The following KCNG3 variants were observed in gnomAD, a reference collection of about 807,000 sequenced individuals.
The protein encoded by KCNG3 is potassium voltage-gated channel modifier subfamily G member 3.
A neutral mutation model predicts 29.0 loss-of-function variants in KCNG3; 15 were observed. The observed-to-expected ratio is 0.52, with a 90% CI of 0.35 to 0.80. The LOEUF is 0.80. Among genes scored for constraint, KCNG3 ranks in the 30% least tolerant of loss-of-function variants. KCNG3 has a pLI of 0.01. For synonymous variants in KCNG3, 322 were observed against 248.9 expected (o/e 1.29, Z -2.76); for missense variants, 512 against 605.7 (o/e 0.85, Z 1.62).
At chr2:42,463,417 C>T (rs186894432) in intron 1 of KCNG3, 55 of 162,452 alleles carry the variant, frequency 3.4e-4, no homozygotes, top group Non-Finnish European at 5.8e-4. Context: ...TCTTATTCAC[C>T]TCTGGGAAAC....
intron 1 of KCNG3, among the ~76,000 whole-genome samples, chr2:42,466,699 G>C (rs1348805607): frequency 6.6e-6 from 1 of 150,898 alleles, no homozygotes; most frequent in East Asian, 1.9e-4. Context: ...TGGTACAAAA[G>C]TTAATTGTGG....
At chr2:42,436,174 T>A in the KCNG3 span, among the ~76,000 whole-genome samples, 1 of 152,092 alleles carries the variant, frequency 6.6e-6, no homozygotes, top group Non-Finnish European at 1.5e-5. Context: ...TTATATGAAA[T>A]GTCCAGAATA....
downstream of KCNG3, among the ~76,000 whole-genome samples, chr2:42,437,406 T>A (rs960803456): frequency 1.3e-5 from 2 of 152,150 alleles, no homozygotes; most frequent in African/African-American, 4.8e-5. Flanking sequence ...ATGGTAAGAA[T>A]TACTGAATAA....
chr2:42,463,183 C>T lies in KCNG3; in HGVS notation c.666-18604G>A, dbSNP rs1233682830. 9 of 347,282 alleles carry T rather than the reference C, an allele frequency of 2.6e-5. No homozygotes were observed. The East Asian group carries it at 4.2e-4, about 16-fold the overall frequency. 21.5% of individuals were successfully genotyped at this position (347,282 alleles called of 1,614,324 possible). A position where few individuals can be genotyped will look rare whatever the true frequency, so the allele number is the denominator to read the frequency against. On this transcript the variant is annotated intron_variant, in intron 1 of 1. Transcript: ENST00000306078. Reference sequence around the variant, plus strand: ...AGACCAAGCTCATGGCCACCAGCATCGACGTTCTTGCCATCCAGCTGAGCT... The same window carrying T: ...AGACCAAGCTCATGGCCACCAGCATTGACGTTCTTGCCATCCAGCTGAGCT...
the KCNG3 span, among the ~76,000 whole-genome samples, chr2:42,402,040 C>T: frequency 1.3e-5 from 2 of 152,144 alleles, no homozygotes; most frequent in Non-Finnish European, 2.9e-5. Context: ...TGGAGGTATT[C>T]GTATCTGAAT....
Position 42,443,986 on chromosome 2 carries a change from T to C in KCNG3, c.1259A>G (p.Lys420Arg). ...HSFVQCYHEL[K>R]FRSARYSRSL... Reference sequence around the variant, plus strand: ...CCTACTATACCTAGCAGATCTAAACTTGAGCTCATGATAACACTGCACAAA... The same window carrying C: ...CCTACTATACCTAGCAGATCTAAACCTGAGCTCATGATAACACTGCACAAA... The change falls in exon 2 of 2, where the codon AAG (lysine) becomes AGG (arginine). Residue 420 changes from lysine (K) to arginine (R), a missense_variant. This residue lies in a region of KCNG3 where 173 missense variants were observed against 262.4 expected (regional missense o/e 0.66). Transcript: ENST00000306078. 1 of 1,614,154 alleles carries C rather than the reference T, an allele frequency of 6.2e-7. No individual in the cohort carries two copies. The highest frequency in any genetic ancestry group is 1.3e-5 in the African/African-American group (1 of 75,058).
the KCNG3 span, among the ~76,000 whole-genome samples, chr2:42,419,139 G>GT: frequency 6.9e-6 from 1 of 144,128 alleles, no homozygotes; most frequent in Non-Finnish European, 1.5e-5. Context: ...TTCAGACCGT[G>GT]TAATGTTCCT....
chr2:42,432,307 C>T, the KCNG3 span, among the ~76,000 whole-genome samples: 1 of 152,208 alleles, frequency 6.6e-6, no homozygotes, highest in Non-Finnish European at 1.5e-5. Flanking sequence ...ACCATCAAGT[C>T]CTGTTTTTGG....
At chr2:42,415,772 C>G in the KCNG3 span, among the ~76,000 whole-genome samples, 1 of 151,930 alleles carries the variant, frequency 6.6e-6, no homozygotes, top group African/African-American at 2.4e-5. Flanking sequence ...CCTACTTGGC[C>G]ATAAAAAATT....
the KCNG3 span, among the ~76,000 whole-genome samples, chr2:42,404,531 C>A: frequency 6.6e-6 from 1 of 152,100 alleles, no homozygotes; most frequent in African/African-American, 2.4e-5. Flanking sequence ...GGGTTTGAGA[C>A]CAGCCTGGGC....
chr2:42,493,025 C>T lies in KCNG3; in HGVS notation c.477G>A (p.Arg159=), dbSNP rs541787928. The change falls in exon 1 of 2, where the codon CGG becomes CGA. Residue 159 remains arginine, a synonymous_variant. Transcript: ENST00000306078. The part of the protein sequence containing the change: ...PSRRWLERMR[R]TFEEPTSSLA... The stretch of plus-strand genomic sequence containing the variant: ...GCGACGACGTGGGCTCCTCGAAGGT[C>T]CGCCGCATGCGCTCCAGCCAGCGCC... The T allele has an allele frequency of 6.6e-7, 1 of 1,521,432 alleles. No homozygotes were observed. The highest frequency in any genetic ancestry group is 1.2e-5 in the South Asian group (1 of 81,116). The allele number at this position is 1,521,432 out of a possible 1,614,324, so 94.2% of individuals were successfully genotyped here.
chr2:42,433,204 C>G, the KCNG3 span, among the ~76,000 whole-genome samples: 2 of 152,316 alleles, frequency 1.3e-5, no homozygotes, highest in East Asian at 3.9e-4. Context: ...AAAATTATCT[C>G]CAGTTGCAGA....
At chr2:42,481,875 T>C (rs1673592474) in intron 1 of KCNG3, among the ~76,000 whole-genome samples, 1 of 152,234 alleles carries the variant, frequency 6.6e-6, no homozygotes, top group Non-Finnish European at 1.5e-5. Flanking sequence ...GTACTAATCA[T>C]GGCGCACACT....
chr2:42,472,308 G>C (rs1257472894), intron 1 of KCNG3, among the ~76,000 whole-genome samples: 3 of 152,146 alleles, frequency 2.0e-5, no homozygotes, highest in African/African-American at 7.2e-5. Flanking sequence ...AACTAAAAAG[G>C]CAAGCTCTGG....
the KCNG3 span, chr2:42,388,549 T>A: frequency 2.0e-5 from 3 of 152,068 alleles, no homozygotes; most frequent in Admixed American, 6.5e-5. Context: ...GCTCTCTTCC[T>A]GGCTTGTGGG....
rs1238267073 is a variant in KCNG3, at chr2:42,457,619, G to A, written c.666-13040C>T. Among the ~76,000 whole-genome samples, 5 of 93,950 alleles carry A rather than the reference G, an allele frequency of 5.3e-5. No individual in the cohort carries two copies. In the East Asian group the frequency reaches 1.2e-3, roughly 22 times the overall value. The allele number at this position is 93,950 out of a possible 152,430, so 61.6% of individuals were successfully genotyped here. On this transcript the variant is annotated intron_variant, in intron 1 of 1. Coordinates refer to ENST00000306078, the MANE Select transcript of KCNG3 (RefSeq NM_133329.6). ...CCTAGCACTTTGGGAGGCCGAGGCAGGCAGATCTCACACACACACACACAC... is the reference window on the plus strand; with the variant it reads ...CCTAGCACTTTGGGAGGCCGAGGCAAGCAGATCTCACACACACACACACAC...
chr2:42,437,215 CAT>C (rs925752387), downstream of KCNG3, among the ~76,000 whole-genome samples: 14 of 152,118 alleles, frequency 9.2e-5, no homozygotes, highest in African/African-American at 2.2e-4. Flanking sequence ...GACACACAAA[CAT>C]GTGTGTGCCC....
intron 1 of KCNG3, among the ~76,000 whole-genome samples, chr2:42,491,937 G>C (rs1000521485): frequency 6.6e-6 from 1 of 152,120 alleles, no homozygotes; most frequent in African/African-American, 2.4e-5. Flanking sequence ...TGCCCCAAAA[G>C]GCTGTCTTCT....
At chr2:42,416,222 A>G in the KCNG3 span, among the ~76,000 whole-genome samples, 2 of 152,190 alleles carry the variant, frequency 1.3e-5, no homozygotes. Flanking sequence ...GTGAGAGGTT[A>G]ATAAATGAGT....
Sources: gnomAD v4.1 joint callset for allele counts (sites outside exome capture counted in the v4.1 genomes callset) on GRCh38, gnomAD v4.1.1 for gene constraint, gnomAD v4.1.1 regional missense constraint, MANE v1.5 for transcripts, NCBI Gene and HGNC (gene_info 2026-07-23, HGNC 2026-07-21) for gene names.